The following LPP variants were observed in gnomAD, a reference collection of about 807,000 sequenced individuals.
LPP encodes LIM domain containing preferred translocation partner in lipoma.
A neutral mutation model predicts 60.4 loss-of-function variants in LPP; 38 were observed. The observed-to-expected ratio is 0.63, with a 90% CI of 0.49 to 0.83. The LOEUF (loss-of-function observed/expected upper bound fraction) is 0.83, where lower values mean the gene tolerates loss of function less well. Among genes scored for constraint, LPP ranks in the 40% least tolerant of loss-of-function variants. The pLI is 0.00. For missense variants in LPP, 902 were observed against 783.6 expected, an observed-to-expected ratio of 1.15 and a Z score of -1.80; for synonymous variants, 328 against 290.8, an observed-to-expected ratio of 1.13 and a Z score of -1.30.
chr3:188,365,537 A>G (rs1472101247), intron 3 of LPP, among the ~76,000 whole-genome samples: 1 of 152,176 alleles, frequency 6.6e-6, no homozygotes, highest in African/African-American at 2.4e-5. Context: ...GTTTTAGCCT[A>G]GACCTTAGAA....
intron 9 of LPP, among the ~76,000 whole-genome samples, chr3:188,818,013 A>T (rs1003341336): frequency 1.3e-5 from 2 of 152,224 alleles, no homozygotes; most frequent in Non-Finnish European, 2.9e-5. Flanking sequence ...CATGAGCAGA[A>T]TCTCTCCTCT....
intron 7 of LPP, among the ~76,000 whole-genome samples, chr3:188,698,046 T>A (rs946395144): frequency 3.3e-5 from 5 of 152,184 alleles, no homozygotes; most frequent in Non-Finnish European, 7.3e-5. Flanking sequence ...TTATTAAAAC[T>A]GTAGCTTGTA....
intron 3 of LPP, among the ~76,000 whole-genome samples, chr3:188,343,330 G>A (rs910005178): frequency 1.3e-5 from 2 of 152,056 alleles, no homozygotes; most frequent in African/African-American, 4.8e-5. Context: ...AAAGGTAGTA[G>A]CAAAAAATGT....
At chr3:188,664,005 G>T (rs1403694321) in intron 7 of LPP, among the ~76,000 whole-genome samples, 1 of 152,134 alleles carries the variant, frequency 6.6e-6, no homozygotes, top group African/African-American at 2.4e-5. Flanking sequence ...CATAGCCTGG[G>T]GATTGGGGAC....
chr3:188,604,471 T>C (rs1185646559), intron 6 of LPP, among the ~76,000 whole-genome samples: 1 of 152,122 alleles, frequency 6.6e-6, no homozygotes, highest in Non-Finnish European at 1.5e-5. Context: ...TGAAAACAAG[T>C]ACCTCAAAGT....
chr3:188,866,157 C>A, intron 9 of LPP, 43 bp from the exon 10 acceptor site: 1 of 1,404,360 alleles, frequency 7.1e-7, no homozygotes, highest in South Asian at 1.7e-5. Context: ...AGTATGGACC[C>A]CCTTCTGTCC....
Position 188,253,826 on chromosome 3 carries a change from A to G in LPP, c.-67+28299A>G, listed in dbSNP as rs576285012. On this transcript the variant is annotated intron_variant, in intron 2 of 11. Transcript: ENST00000617246. ...AACCTGTAATGCCCCTTCTTCCCCA[A>G]ATAAATTATGAGAATGGGGCTGCAT... Among the ~76,000 whole-genome samples the G allele has an allele frequency of 5.9e-5, 9 of 152,188 alleles. No homozygotes were observed. In the South Asian group the frequency reaches 6.2e-4, roughly 11 times the overall value.
chr3:188,828,614 C>CCA (rs1406045382), intron 9 of LPP, among the ~76,000 whole-genome samples: 2 of 31,330 alleles, frequency 6.4e-5, no homozygotes, highest in African/African-American at 2.8e-4. Flanking sequence ...AACTCTGTCT[C>CCA]AAAAAAAAAA....
chr3:188,733,337 T>C (rs1321881725), intron 8 of LPP, among the ~76,000 whole-genome samples: 1 of 151,722 alleles, frequency 6.6e-6, no homozygotes, highest in African/African-American at 2.4e-5. Context: ...ATACCATACA[T>C]GTACACGCTA....
chr3:188,248,206 A>C (rs1376035983), intron 2 of LPP, among the ~76,000 whole-genome samples: 1 of 151,922 alleles, frequency 6.6e-6, no homozygotes, highest in Non-Finnish European at 1.5e-5. Context: ...TGTAATGGAA[A>C]CTCTTGAAAA....
chr3:188,175,679 C>A (rs570732069), intron 1 of LPP, among the ~76,000 whole-genome samples: 1 of 152,234 alleles, frequency 6.6e-6, no homozygotes, highest in South Asian at 2.1e-4. Flanking sequence ...CTTCAACTGG[C>A]TTTATACTAA....
chr3:188,669,145 C>T (rs1856418277), intron 7 of LPP, among the ~76,000 whole-genome samples: 1 of 152,048 alleles, frequency 6.6e-6, no homozygotes. Context: ...TGGACAGAAA[C>T]AAGAGGACCA....
chr3:188,597,194 T>C (rs536889555), intron 6 of LPP, among the ~76,000 whole-genome samples: 2 of 152,306 alleles, frequency 1.3e-5, no homozygotes, highest in South Asian at 4.1e-4. Context: ...AATGTAGAGA[T>C]GTGTGATATT....
intron 4 of LPP, among the ~76,000 whole-genome samples, chr3:188,436,688 A>G (rs755539051): frequency 4.6e-5 from 7 of 152,222 alleles, no homozygotes; most frequent in Non-Finnish European, 5.9e-5. Flanking sequence ...TAGAAAACCA[A>G]TTAGAAAATA....
At chr3:188,461,525 C>T (rs1046918552) in intron 4 of LPP, among the ~76,000 whole-genome samples, 2 of 152,020 alleles carry the variant, frequency 1.3e-5, no homozygotes, top group African/African-American at 4.8e-5. Context: ...TTAAAAAACA[C>T]CCAGATCAAG....
At chr3:188,436,638 T>A (rs1325381261) in intron 4 of LPP, among the ~76,000 whole-genome samples, 1 of 152,180 alleles carries the variant, frequency 6.6e-6, no homozygotes, top group African/African-American at 2.4e-5. Context: ...GGGATTTCTA[T>A]GCAAAAGGCC....
chr3:188,492,977 CT>C (rs1267693459), intron 5 of LPP, among the ~76,000 whole-genome samples: 1 of 152,180 alleles, frequency 6.6e-6, no homozygotes, highest in African/African-American at 2.4e-5. Context: ...CAGTAATAAA[CT>C]GTAACTTTTA....
intron 1 of LPP, among the ~76,000 whole-genome samples, chr3:188,159,074 C>T (rs772522480): frequency 1.3e-5 from 2 of 152,204 alleles, no homozygotes; most frequent in African/African-American, 4.8e-5. Flanking sequence ...CTCGCTTCCC[C>T]AGTCCCTTGT....
chr3:188,273,990 A>G (rs1738779414), intron 2 of LPP, among the ~76,000 whole-genome samples: 1 of 152,192 alleles, frequency 6.6e-6, no homozygotes, highest in African/African-American at 2.4e-5. Flanking sequence ...ACTTCCTTCA[A>G]TAGTAACTTT....
Sources: gnomAD v4.1 joint callset for allele counts (sites outside exome capture counted in the v4.1 genomes callset) on GRCh38, gnomAD v4.1.1 for gene constraint, MANE v1.5 for transcripts, NCBI Gene and HGNC (gene_info 2026-07-23, HGNC 2026-07-21) for gene names.